The following XPO1 variants were observed in gnomAD, a reference collection of about 807,000 sequenced individuals.
XPO1 encodes the protein exportin-1.
XPO1 carries 5 observed loss-of-function variants against 133.3 expected under a neutral mutation model. That is an observed-to-expected ratio of 0.04 (90% CI 0.02 to 0.08). The LOEUF is 0.08. Among genes scored for constraint, XPO1 ranks in the 10% least tolerant of loss-of-function variants. The pLI is 1.00. For synonymous variants in XPO1, 419 were observed against 408.2 expected (o/e 1.03, Z -0.32); for missense variants, 506 against 1,267.5 (o/e 0.40, Z 9.12).
At chr2:61,482,597 G>T in intron 22 of XPO1, 58 bp from the exon 23 acceptor site, 41 of 1,194,996 alleles carry the variant, frequency 3.4e-5, no homozygotes, top group South Asian at 1.4e-4. Context: ...AGATCTTAGC[G>T]TTTTTTTTTG....
At chr2:61,496,027 T>A (rs1458780603) in intron 10 of XPO1, among the ~76,000 whole-genome samples, 1 of 152,120 alleles carries the variant, frequency 6.6e-6, no homozygotes, top group Non-Finnish European at 1.5e-5. Context: ...TTAAACCACA[T>A]ACAGAACTCC....
At chr2:61,500,482 G>C (rs2104510948) in intron 6 of XPO1, among the ~76,000 whole-genome samples, 1 of 149,724 alleles carries the variant, frequency 6.7e-6, no homozygotes. Flanking sequence ...GGGAGGCTGA[G>C]GCAGGAGAAT....
At chr2:61,520,063 A>G (rs1573204133) in intron 4 of XPO1, among the ~76,000 whole-genome samples, 1 of 152,148 alleles carries the variant, frequency 6.6e-6, no homozygotes, top group Non-Finnish European at 1.5e-5. Context: ...TTATAACCTT[A>G]ATATTTAGTA....
chr2:61,485,164 G>C (rs369939746), intron 20 of XPO1: 1 of 152,200 alleles, frequency 6.6e-6, no homozygotes, highest in African/African-American at 2.4e-5. Flanking sequence ...ACAGGTGTAA[G>C]CCACCATGGC....
At chr2:61,513,310 C>G (rs1698186751) in intron 4 of XPO1, among the ~76,000 whole-genome samples, 1 of 148,102 alleles carries the variant, frequency 6.8e-6, no homozygotes, top group African/African-American at 2.5e-5. Context: ...AATCACAGAT[C>G]TTAATGCAAA....
chr2:61,522,223 A>AT (rs916963723), intron 4 of XPO1, among the ~76,000 whole-genome samples: 2 of 152,074 alleles, frequency 1.3e-5, no homozygotes, highest in Admixed American at 1.3e-4. Flanking sequence ...TACCCAGCTA[A>AT]TTTTTTAAAT....
intron 4 of XPO1, among the ~76,000 whole-genome samples, chr2:61,519,708 A>AAAC (rs1378802707): frequency 2.0e-5 from 3 of 147,268 alleles, no homozygotes; most frequent in African/African-American, 5.2e-5. Context: ...CAAAAAAAAA[A>AAAC]AAAAAAAAAA....
At chr2:61,525,173 T>TA in intron 3 of XPO1, 1 of 660,722 alleles carries the variant, frequency 1.5e-6, no homozygotes, top group Non-Finnish European at 1.9e-6. Flanking sequence ...TAGAAATACT[T>TA]ATTTTATGCA....
intron 3 of XPO1, among the ~76,000 whole-genome samples, chr2:61,524,907 C>T (rs1698850706): frequency 6.6e-6 from 1 of 152,094 alleles, no homozygotes; most frequent in Non-Finnish European, 1.5e-5. Flanking sequence ...AACAGAGGTC[C>T]TGTCTCTTCA....
chr2:61,493,823 G>T, intron 12 of XPO1, 71 bp downstream of exon 12: 1 of 1,477,916 alleles, frequency 6.8e-7, no homozygotes, highest in Non-Finnish European at 9.4e-7. Context: ...ACACAGATTA[G>T]AAGTATTTGG....
intron 4 of XPO1, among the ~76,000 whole-genome samples, chr2:61,519,698 CAAAAAAAAAA>C (rs753424450): frequency 1.5e-4 from 11 of 72,774 alleles, no homozygotes; most frequent in Admixed American, 5.2e-4. Context: ...GACTCCGTCT[CAAAAAAAAAA>C]AAAAAAAAAA....
chr2:61,510,615 T>C (rs115928562), intron 4 of XPO1, among the ~76,000 whole-genome samples: 1,894 of 152,188 alleles, frequency 0.012, 37 homozygotes, highest in African/African-American at 0.042. Context: ...TTTATTAAAA[T>C]TGACAGGAGC....
chr2:61,537,762 C>CACACAT lies in XPO1; in HGVS notation c.-208_-207insATGTGT, dbSNP rs1699418058. ...AGGGACGCTTCCCCCAACACACACA[C>CACACAT]ACACACACACACACACACACACCCG... On this transcript the variant is annotated 5_prime_UTR_variant, in exon 1 of 25. In the 5' UTR this introduces an upstream ATG that the reference lacks. Transcript: ENST00000401558. 6.6e-6 allele frequency: 1 copy of CACACAT among 151,798 alleles called. No homozygotes were observed. Among genetic ancestry groups the CACACAT allele is most frequent in the African/African-American group, 2.5e-5 (1 of 40,810 alleles). 9.4% of individuals were successfully genotyped at this position (151,798 alleles called of 1,614,324 possible).
rs559484945 is a variant in XPO1, at chr2:61,527,140, G to T, written c.127-619C>A. 2.0e-5 allele frequency among the ~76,000 whole-genome samples: 3 copies of T among 152,132 alleles called. No individual in the cohort carries two copies. The East Asian group carries it at 5.8e-4, about 29-fold the overall frequency. ...CAAAGATCTATTCTGAAGCAAATAA[G>T]TTCTCAGCACTTAAATCAACCAAAA... On this transcript the variant is annotated intron_variant, in intron 2 of 24. Transcript: ENST00000401558.
At chr2:61,533,967 CA>C in intron 1 of XPO1, 64 bp from the exon 2 acceptor site, 4 of 1,341,956 alleles carry the variant, frequency 3.0e-6, no homozygotes, top group Non-Finnish European at 3.9e-6. Context: ...AAACTTCCTA[CA>C]AGTTATTTTA....
intron 19 of XPO1, 45 bp from the exon 20 acceptor site, chr2:61,486,007 G>C (rs1696673118): frequency 2.6e-6 from 4 of 1,515,570 alleles, no homozygotes; most frequent in Admixed American, 2.0e-5. Context: ...TTAGGTACAT[G>C]GTGACTATTT....
At chr2:61,483,291 A>G (rs1190194324) in intron 21 of XPO1, 200 bp from the exon 22 acceptor site, 3 of 529,860 alleles carry the variant, frequency 5.7e-6, no homozygotes, top group Non-Finnish European at 9.6e-6. Context: ...TATAAATTAT[A>G]ATAAGTTGTG....
chr2:61,530,692 A>G (rs1699110802), intron 2 of XPO1, among the ~76,000 whole-genome samples: 2 of 151,934 alleles, frequency 1.3e-5, no homozygotes, highest in Non-Finnish European at 2.9e-5. Flanking sequence ...ACCCTTGTAA[A>G]TAATTTCTTC....
chr2:61,527,194 T>C (rs977890487), intron 2 of XPO1, among the ~76,000 whole-genome samples: 3 of 151,896 alleles, frequency 2.0e-5, no homozygotes, highest in Non-Finnish European at 4.4e-5. Context: ...TCTAGGCCAG[T>C]AGCAGTGTTT....
Sources: gnomAD v4.1 joint callset for allele counts (sites outside exome capture counted in the v4.1 genomes callset) on GRCh38, gnomAD v4.1.1 for gene constraint, MANE v1.5 for transcripts, NCBI Gene and HGNC (gene_info 2026-07-23, HGNC 2026-07-21) for gene names.